SMAP2: variants seen among roughly 807,000 people sequenced by gnomAD.
The protein encoded by SMAP2 is stromal membrane-associated protein 2.
A neutral mutation model predicts 56.4 loss-of-function variants in SMAP2; 25 were observed. That is an observed-to-expected ratio of 0.44 (90% CI 0.32 to 0.62). The LOEUF (loss-of-function observed/expected upper bound fraction) is 0.62, where lower values mean the gene tolerates loss of function less well. Among genes scored for constraint, SMAP2 ranks in the 20% least tolerant of loss-of-function variants. The pLI is 0.04. For missense variants in SMAP2, 388 were observed against 545.6 expected (o/e 0.71, Z 2.88); for synonymous variants, 157 against 181.7 (o/e 0.86, Z 1.09).
At chr1:40,361,765 A>T (rs998676118) in intron 1 of SMAP2, among the ~76,000 whole-genome samples, 6 of 152,100 alleles carry the variant, frequency 3.9e-5, no homozygotes, top group Non-Finnish European at 7.4e-5. Context: ...GGAAAGGAAG[A>T]GGGGGAAGGA....
At chr1:40,383,752 C>A (rs1644625189) in intron 1 of SMAP2, among the ~76,000 whole-genome samples, 1 of 152,136 alleles carries the variant, frequency 6.6e-6, no homozygotes, top group Non-Finnish European at 1.5e-5. Context: ...AAGTTCCCAC[C>A]CTGTCAATTC....
chr1:40,361,626 G>T (rs759767601), intron 1 of SMAP2, among the ~76,000 whole-genome samples: 3 of 152,068 alleles, frequency 2.0e-5, no homozygotes, highest in Admixed American at 2.0e-4. Context: ...CCCACACCTC[G>T]CAGCATTCAC....
At chr1:40,355,595 G>T (rs1286015042) in intron 1 of SMAP2, among the ~76,000 whole-genome samples, 3 of 151,774 alleles carry the variant, frequency 2.0e-5, no homozygotes, top group African/African-American at 7.3e-5. Flanking sequence ...AATTATTTTT[G>T]ACTGTAGTCA....
At position 40,374,521 on chromosome 1, in the gene SMAP2, C is replaced by T; in HGVS notation, c.103+298C>T. On this transcript the variant is annotated intron_variant, in intron 1 of 9. Coordinates refer to ENST00000372718, the MANE Select transcript of SMAP2 (RefSeq NM_022733.3). The surrounding 1 kb of genome is among the most constrained non-coding windows in gnomAD (Gnocchi z 5.9). ...TGAGGGCTCTGAATGAGTTCTGGGC[C>T]GGCTGTCCAGAGAGAGCTCCCAGCA... The T allele has an allele frequency of 2.4e-6, 2 of 848,084 alleles. No individual in the cohort carries two copies. The highest frequency in any genetic ancestry group is 1.9e-6 in the Non-Finnish European group (1 of 525,936). 52.5% of individuals were successfully genotyped at this position (848,084 alleles called of 1,614,324 possible).
Position 40,401,699 on chromosome 1 carries a change from G to A in SMAP2, c.104-5037G>A, listed in dbSNP as rs1034980038. Among the ~76,000 whole-genome samples the A allele has an allele frequency of 3.3e-5, 5 of 152,296 alleles. No individual in the cohort carries two copies. The East Asian group carries it at 5.8e-4, about 18-fold the overall frequency. On this transcript the variant is annotated intron_variant, in intron 1 of 9. Transcript: ENST00000372718. ...AGGAATTTGCAGCAGTAGTTACTCCGTATGTAGAAGCTGTCCAGATGTTGA... is the reference window on the plus strand; with the variant it reads ...AGGAATTTGCAGCAGTAGTTACTCCATATGTAGAAGCTGTCCAGATGTTGA...
chr1:40,348,313 C>A (rs567804574), intron 1 of SMAP2, among the ~76,000 whole-genome samples: 1 of 152,148 alleles, frequency 6.6e-6, no homozygotes, highest in Admixed American at 6.6e-5. Flanking sequence ...AAATTACAAC[C>A]CCCTCCCTGC....
Position 40,385,592 on chromosome 1 carries a change from C to T in SMAP2, c.103+11369C>T, listed in dbSNP as rs1644645388. Among the ~76,000 whole-genome samples the T allele has an allele frequency of 6.6e-6, 1 of 152,222 alleles. No homozygotes were observed. Among genetic ancestry groups the T allele is most frequent in the Non-Finnish European group, 1.5e-5 (1 of 68,048 alleles). ...GAAGCAAATGCGAGAGGGAGAGAGA[C>T]CTACTCTCAGCTGTAGCTGATAAGT... On this transcript the variant is annotated intron_variant, in intron 1 of 9. Transcript: ENST00000372718. This position sits in a 1 kb window ranked among gnomAD's most constrained non-coding sequence, Gnocchi z 4.5.
chr1:40,344,978 CTCTTTCTTTT>C (rs1644379615), intron 1 of SMAP2: 1 of 134,416 alleles, frequency 7.4e-6, no homozygotes, highest in Non-Finnish European at 1.6e-5. Context: ...TTCTTTCTTT[CTCTTTCTTTT>C]TCTTTCTTTC....
rs1227316498 is a variant in SMAP2, at chr1:40,374,061, G to A, written c.-60G>A. 1 of 1,356,060 alleles carries A rather than the reference G, an allele frequency of 7.4e-7. No homozygotes were observed. Among genetic ancestry groups the A allele is most frequent in the Non-Finnish European group, 1.0e-6 (1 of 962,266 alleles). 84.0% of individuals were successfully genotyped at this position (1,356,060 alleles called of 1,614,324 possible). On this transcript the variant is annotated 5_prime_UTR_variant, in exon 1 of 10. Transcript: ENST00000372718. This position sits in a 1 kb window ranked among gnomAD's most constrained non-coding sequence, Gnocchi z 5.9. ...CGGGAGTCCTCAACCCCGGACTGAG[G>A]CAGGGGTCTCTGGGGGCGAGGAGGG...
In SMAP2 at chr1:40,409,755, A is replaced by C; in HGVS notation, c.324-2A>C. ...GATTCATCCTTAATAAGCTTTTTGC[A>C]GAGCTGTTGAAGGATTTATTCGAGA... On this transcript the variant is annotated splice_acceptor_variant, in intron 3 of 9. Transcript: ENST00000372718. LOFTEE classifies it high-confidence loss of function. 1 of 1,606,586 alleles carries C rather than the reference A, an allele frequency of 6.2e-7. No homozygotes were observed. Among genetic ancestry groups the C allele is most frequent in the Non-Finnish European group, 8.5e-7 (1 of 1,173,376 alleles).
At chr1:40,409,546 A>C (rs569741200) in intron 3 of SMAP2, among the ~76,000 whole-genome samples, 59 of 152,242 alleles carry the variant, frequency 3.9e-4, no homozygotes, top group Non-Finnish European at 7.2e-4. Context: ...GCTGAAGGGA[A>C]AGCATAGGAA....
intron 1 of SMAP2, among the ~76,000 whole-genome samples, chr1:40,383,857 G>C (rs989367926): frequency 6.6e-6 from 1 of 152,070 alleles, no homozygotes; most frequent in African/African-American, 2.4e-5. Flanking sequence ...AAAATGTTGA[G>C]GATTGCAGCG....
chr1:40,349,644 G>A lies in SMAP2; in HGVS notation c.-83+4734G>A, dbSNP rs569650030. ...AGTGATTCTCGTGCCTCAGCCTCCCGAGTAGCTGGGATTACAGGCACGTGC... is the reference window on the plus strand; with the variant it reads ...AGTGATTCTCGTGCCTCAGCCTCCCAAGTAGCTGGGATTACAGGCACGTGC... On this transcript the variant is annotated intron_variant, in intron 1 of 6. Coordinates refer to the SMAP2 transcript ENST00000435168. Among the ~76,000 whole-genome samples the A allele has an allele frequency of 1.3e-4, 20 of 151,924 alleles. 1 individual carries two copies. The highest frequency in any genetic ancestry group is 2.2e-4 in the Non-Finnish European group (15 of 67,982).
intron 9 of SMAP2, among the ~76,000 whole-genome samples, chr1:40,419,362 C>T (rs1417492807): frequency 6.6e-6 from 1 of 151,414 alleles, no homozygotes; most frequent in Non-Finnish European, 1.5e-5. Context: ...CTCACTGCAA[C>T]CTCCGCCTCC....
At chr1:40,364,062 G>T (rs1289896527) in intron 2 of SMAP2, among the ~76,000 whole-genome samples, 1 of 152,126 alleles carries the variant, frequency 6.6e-6, no homozygotes, top group Admixed American at 6.5e-5. Flanking sequence ...TCTGGTATAG[G>T]TAAAGTGACT....
intron 1 of SMAP2, among the ~76,000 whole-genome samples, chr1:40,395,262 A>G (rs1169542284): frequency 6.6e-6 from 1 of 152,192 alleles, no homozygotes; most frequent in East Asian, 1.9e-4. Flanking sequence ...TGAATTGATA[A>G]TAATGATACA....
rs1378007225 is a variant in SMAP2 at position 40,422,891 on chromosome 1, T to TGC, written c.*792_*793dup. 2 of 152,560 alleles carry TGC rather than the reference T, an allele frequency of 1.3e-5. No individual in the cohort carries two copies. The highest frequency in any genetic ancestry group is 2.9e-5 in the Non-Finnish European group (2 of 68,314). 9.5% of individuals were successfully genotyped at this position (152,560 alleles called of 1,614,324 possible). On this transcript the variant is annotated 3_prime_UTR_variant, in exon 10 of 10. Transcript: ENST00000372718. ...GCTTAACGTGTACTGCTTGTGTGTG[T>TGC]GCGTGAGTGTGTGTGTGTGTATGAG...
chr1:40,421,335 G>A (rs1645039220), intron 9 of SMAP2, among the ~76,000 whole-genome samples: 1 of 152,036 alleles, frequency 6.6e-6, no homozygotes, highest in Non-Finnish European at 1.5e-5. Context: ...ACTGCTAGGG[G>A]CCAGTCTTTC....
chr1:40,417,725 A>G (rs1035639526), intron 9 of SMAP2, among the ~76,000 whole-genome samples: 1 of 152,198 alleles, frequency 6.6e-6, no homozygotes, highest in African/African-American at 2.4e-5. Context: ...GGAGATGGGC[A>G]TGGCCTAAAA....
Sources: allele counts gnomAD v4.1 joint callset (sites outside exome capture counted in the v4.1 genomes callset), GRCh38; gene constraint gnomAD v4.1.1; non-coding constraint Gnocchi (gnomAD v3.1); transcripts MANE v1.5; gene names NCBI Gene and HGNC (gene_info 2026-07-23, HGNC 2026-07-21).